The following FER variants were observed in gnomAD, a reference collection of about 807,000 sequenced individuals.
FER encodes the protein tyrosine-protein kinase Fer.
Under a neutral mutation model 111.0 loss-of-function variants are expected in FER, and 63 were observed. The observed-to-expected ratio is 0.57, with a 90% CI of 0.46 to 0.70. The LOEUF is 0.70. FER is among the 30% of genes least tolerant of loss of function. The pLI is 0.00. For synonymous variants in FER, 327 were observed against 313.9 expected (o/e 1.04, Z -0.44); for missense variants, 914 against 954.0 (o/e 0.96, Z 0.55).
intron 5 of FER, among the ~76,000 whole-genome samples, chr5:108,844,994 G>GTGTATATATACATATATATATATATA (rs1761750664): frequency 2.3e-5 from 1 of 42,636 alleles, no homozygotes; most frequent in Non-Finnish European, 4.8e-5. Context: ...GTGTGTGTGT[G>GTGTATATATACATATATATATATATA]TGTATATATA....
At chr5:109,067,670 A>G (rs1775278040) in intron 16 of FER, among the ~76,000 whole-genome samples, 1 of 152,056 alleles carries the variant, frequency 6.6e-6, no homozygotes. Context: ...AGTAATACAG[A>G]GTGCTTCAGT....
chr5:108,888,189 C>T (rs1747460716), intron 9 of FER, among the ~76,000 whole-genome samples: 1 of 151,854 alleles, frequency 6.6e-6, no homozygotes, highest in African/African-American at 2.4e-5. Flanking sequence ...AGGAACCTTA[C>T]ATTTTTTTCC....
chr5:108,761,120 G>A (rs1751694354), intron 1 of FER, among the ~76,000 whole-genome samples: 1 of 151,982 alleles, frequency 6.6e-6, no homozygotes. Context: ...AGTAGAGATG[G>A]GGTTTCACCA....
chr5:109,157,038 T>C (rs1755472363), intron 17 of FER, among the ~76,000 whole-genome samples: 1 of 152,094 alleles, frequency 6.6e-6, no homozygotes, highest in South Asian at 2.1e-4. Context: ...CAGCCAGTTA[T>C]TTCTCCTAGG....
rs557714697 is a variant in FER at position 108,887,918 on chromosome 5, C to T, written c.1046+4400C>T. Among the ~76,000 whole-genome samples, 278 of 151,848 alleles carry T rather than the reference C, an allele frequency of 1.8e-3. 1 individual carries two copies. Among genetic ancestry groups the T allele is most frequent in the Non-Finnish European group, 3.4e-3 (228 of 67,816 alleles). ...TGGTTTGAATGCTTGGTTTGATTTA[C>T]AAAAAGTAAATGATTATTTAATTTT... On this transcript the variant is annotated intron_variant, in intron 9 of 19. Coordinates refer to ENST00000281092, the MANE Select transcript of FER (RefSeq NM_005246.4).
chr5:109,156,667 C>T (rs1321765206), intron 17 of FER, among the ~76,000 whole-genome samples: 1 of 151,792 alleles, frequency 6.6e-6, no homozygotes, highest in Non-Finnish European at 1.5e-5. Flanking sequence ...AATTTATGGG[C>T]AGAAGAGACC....
rs143460608 is a variant in FER, at chr5:108,839,346, A to G, written c.481+3539A>G. On this transcript the variant is annotated intron_variant, in intron 5 of 19. Coordinates refer to ENST00000281092, the MANE Select transcript of FER (RefSeq NM_005246.4). Reference sequence around the variant, plus strand: ...TGAAAGGAATCCTAGGTGATTGTCAAATCAAAAGTTAAAAGGAACCAAGTT... The same window carrying G: ...TGAAAGGAATCCTAGGTGATTGTCAGATCAAAAGTTAAAAGGAACCAAGTT... 2.6e-4 allele frequency among the ~76,000 whole-genome samples: 40 copies of G among 152,278 alleles called. No individual in the cohort carries two copies. In the South Asian group the frequency reaches 5.4e-3, roughly 20 times the overall value.
chr5:108,932,874 G>T (rs12523220), intron 10 of FER, among the ~76,000 whole-genome samples: 2 of 147,756 alleles, frequency 1.4e-5, no homozygotes, highest in Non-Finnish European at 1.5e-5. Context: ...TTTTTTTGAT[G>T]GGGTTGTTTG....
chr5:109,127,662 C>T (rs1006936193), intron 17 of FER, among the ~76,000 whole-genome samples: 2 of 152,098 alleles, frequency 1.3e-5, no homozygotes, highest in Non-Finnish European at 2.9e-5. Context: ...GCCATGGCCT[C>T]CCAAAGTGCT....
chr5:109,173,860 A>G (rs1315513109), intron 17 of FER, among the ~76,000 whole-genome samples: 2 of 151,870 alleles, frequency 1.3e-5, no homozygotes, highest in African/African-American at 4.8e-5. Flanking sequence ...AGATCCTTCA[A>G]GAATAAGCAG....
chr5:108,965,269 C>T (rs975196275), intron 13 of FER, among the ~76,000 whole-genome samples: 11 of 152,098 alleles, frequency 7.2e-5, no homozygotes, highest in Non-Finnish European at 1.3e-4. Flanking sequence ...TATTATCAGC[C>T]ACATCTTCTT....
At position 108,906,079 on chromosome 5, in the gene FER, G is replaced by T. The variant is rs1750718781; in HGVS notation, c.1236+8231G>T. Among the ~76,000 whole-genome samples the T allele has an allele frequency of 2.0e-5, 3 of 152,238 alleles. No individual in the cohort carries two copies. In the South Asian group the frequency reaches 6.2e-4, roughly 32 times the overall value. The stretch of plus-strand genomic sequence containing the variant: ...GTGCAGGGTATAAGCCAAGTTATGG[G>T]ACTTTTTCTGTCCCCATTTCCCAGT... On this transcript the variant is annotated intron_variant, in intron 10 of 19. Transcript: ENST00000281092.
chr5:108,864,791 T>G (rs1329380340), intron 5 of FER, among the ~76,000 whole-genome samples: 1 of 152,196 alleles, frequency 6.6e-6, no homozygotes, highest in East Asian at 1.9e-4. Context: ...TCAGGTAGCA[T>G]GATGCCTCCA....
chr5:109,176,337 G>T (rs926551827), intron 17 of FER, among the ~76,000 whole-genome samples: 8 of 152,156 alleles, frequency 5.3e-5, no homozygotes, highest in Non-Finnish European at 1.2e-4. Flanking sequence ...GCAGCAACAT[G>T]GATGAGCCTG....
At chr5:109,001,333 G>A (rs1333558451) in intron 13 of FER, among the ~76,000 whole-genome samples, 2 of 152,104 alleles carry the variant, frequency 1.3e-5, no homozygotes, top group East Asian at 3.9e-4. Context: ...TTCAACATAC[G>A]AAAATCAATA....
chr5:108,774,643 T>C (rs1271903078), intron 2 of FER, among the ~76,000 whole-genome samples: 1 of 152,232 alleles, frequency 6.6e-6, no homozygotes, highest in African/African-American at 2.4e-5. Flanking sequence ...TTTGCATTTC[T>C]TTAACGATCA....
At chr5:109,060,460 C>T (rs58142257) in intron 16 of FER, among the ~76,000 whole-genome samples, 6,713 of 151,868 alleles carry the variant, frequency 0.044, 523 homozygotes, top group African/African-American at 0.15. Flanking sequence ...CTGAGGCGGG[C>T]GGATCATGAG....
chr5:109,013,098 C>CT (rs1255214153), intron 13 of FER, among the ~76,000 whole-genome samples: 11 of 148,584 alleles, frequency 7.4e-5, no homozygotes, highest in Admixed American at 2.7e-4. Context: ...TATTATTATA[C>CT]TTTAAGTTTT....
intron 1 of FER, among the ~76,000 whole-genome samples, chr5:108,760,963 C>T (rs1054335711): frequency 6.6e-6 from 1 of 151,416 alleles, no homozygotes; most frequent in Non-Finnish European, 1.5e-5. Flanking sequence ...TGGAGTCTCG[C>T]TCTGTTGCCC....
Sources: allele counts gnomAD v4.1 joint callset (sites outside exome capture counted in the v4.1 genomes callset), GRCh38; gene constraint gnomAD v4.1.1; transcripts MANE v1.5; gene names NCBI Gene and HGNC (gene_info 2026-07-23, HGNC 2026-07-21).